Variants in PSD3 observed in about 807,000 individuals in gnomAD.
The protein encoded by PSD3 is PH and SEC7 domain-containing protein 3.
PSD3 carries 49 observed loss-of-function variants against 105.5 expected under a neutral mutation model. The observed-to-expected ratio is 0.46, with a 90% confidence interval of 0.37 to 0.59. The LOEUF (loss-of-function observed/expected upper bound fraction) is 0.59, where lower values mean the gene tolerates loss of function less well. Among genes scored for constraint, PSD3 ranks in the 20% least tolerant of loss-of-function variants. The pLI is 0.00. For synonymous variants in PSD3, 557 were observed against 457.8 expected (o/e 1.22, Z -2.77); for missense variants, 1,561 against 1,263.8 (o/e 1.24, Z -3.57).
chr8:18,908,753 A>T (rs1163163289), intron 2 of PSD3, among the ~76,000 whole-genome samples: 1 of 152,174 alleles, frequency 6.6e-6, no homozygotes, highest in East Asian at 1.9e-4. Context: ...TCTTGCTTGT[A>T]AGTTCATTAT....
intron 10 of PSD3, among the ~76,000 whole-genome samples, chr8:18,650,973 C>T (rs1278861034): frequency 6.6e-6 from 1 of 152,078 alleles, no homozygotes; most frequent in Non-Finnish European, 1.5e-5. Flanking sequence ...GGACTTGGAC[C>T]TATTGATGAA....
At chr8:19,028,765 C>G (rs962109163) in intron 1 of PSD3, among the ~76,000 whole-genome samples, 2 of 152,074 alleles carry the variant, frequency 1.3e-5, no homozygotes, top group Non-Finnish European at 2.9e-5. Flanking sequence ...TAATGTCATG[C>G]CACAAAGATT....
intron 2 of PSD3, among the ~76,000 whole-genome samples, chr8:18,873,304 A>G (rs1817514873): frequency 6.6e-6 from 1 of 152,210 alleles, no homozygotes; most frequent in African/African-American, 2.4e-5. Flanking sequence ...TCCCTGAAAA[A>G]TAAGAATGAA....
At chr8:18,701,018 G>A (rs1237381123) in intron 9 of PSD3, among the ~76,000 whole-genome samples, 1 of 152,126 alleles carries the variant, frequency 6.6e-6, no homozygotes, top group South Asian at 2.1e-4. Context: ...CCAGGCTGGA[G>A]TGCAGTGTTG....
In PSD3 at chr8:18,913,092, C is replaced by A. The variant is rs111610107; in HGVS notation, c.130+22942G>T. Among the ~76,000 whole-genome samples the A allele has an allele frequency of 4.2e-3, 533 of 125,530 alleles. 1 individual carries two copies. Among genetic ancestry groups the A allele is most frequent in the African/African-American group, 0.013 (511 of 37,984 alleles). The allele number at this position is 125,530 out of a possible 152,430, so 82.4% of individuals were successfully genotyped here. On this transcript the variant is annotated intron_variant, in intron 2 of 15. Coordinates refer to ENST00000327040, the MANE Select transcript of PSD3 (RefSeq NM_015310.4). Reference sequence around the variant, plus strand: ...AAACACACACACACACACAAACACACACACACACACACACACACACACACA... The same window carrying A: ...AAACACACACACACACACAAACACAAACACACACACACACACACACACACA...
In PSD3 at chr8:18,818,201, C is replaced by T. The variant is rs1430793007; in HGVS notation, c.1635-13303G>A. ...AACTCCTGACCTCTGGTGATCCATC[C>T]GCCTCGGCCTCCCAAAGTGCTTGGA... On this transcript the variant is annotated intron_variant, in intron 4 of 15. Coordinates refer to ENST00000327040, the MANE Select transcript of PSD3 (RefSeq NM_015310.4). Among the ~76,000 whole-genome samples, 9 of 152,222 alleles carry T rather than the reference C, an allele frequency of 5.9e-5. No individual in the cohort carries two copies. The South Asian group carries it at 6.2e-4, about 11-fold the overall frequency.
intron 8 of PSD3, among the ~76,000 whole-genome samples, chr8:18,795,665 C>G (rs1269854972): frequency 6.6e-6 from 1 of 152,142 alleles, no homozygotes; most frequent in African/African-American, 2.4e-5. Flanking sequence ...CTTAGAACAC[C>G]AGCCCTGGGT....
chr8:18,914,845 G>A (rs1356002476), intron 2 of PSD3, among the ~76,000 whole-genome samples: 2 of 152,116 alleles, frequency 1.3e-5, no homozygotes, highest in Non-Finnish European at 2.9e-5. Flanking sequence ...CAGGGAGATG[G>A]AAGAACAATT....
intron 9 of PSD3, among the ~76,000 whole-genome samples, chr8:18,663,797 C>T (rs966555542): frequency 6.6e-6 from 1 of 152,190 alleles, no homozygotes; most frequent in Admixed American, 6.5e-5. Context: ...CTGAGCTTCA[C>T]GTATACGATA....
At position 18,657,346 on chromosome 8, in the gene PSD3, A is replaced by G. The variant is rs555480010; in HGVS notation, c.2173-1661T>C. Among the ~76,000 whole-genome samples the G allele has an allele frequency of 1.7e-4, 26 of 152,352 alleles. No individual in the cohort carries two copies. The South Asian group carries it at 5.0e-3, about 29-fold the overall frequency. ...TAGAATTTATATTATTTACGACTCA[A>G]TACGTGTATTCTTAGCCAGTATCTT... On this transcript the variant is annotated intron_variant, in intron 9 of 15. Coordinates refer to ENST00000327040, the MANE Select transcript of PSD3 (RefSeq NM_015310.4).
intron 1 of PSD3, among the ~76,000 whole-genome samples, chr8:18,975,736 C>A (rs1824909728): frequency 6.6e-6 from 1 of 152,086 alleles, no homozygotes; most frequent in Admixed American, 6.6e-5. Context: ...TAGTCAAAAT[C>A]CTTCTTAAGG....
chr8:18,689,609 G>C (rs181227609), intron 9 of PSD3, among the ~76,000 whole-genome samples: 2 of 152,326 alleles, frequency 1.3e-5, no homozygotes, highest in Non-Finnish European at 2.9e-5. Flanking sequence ...GTAACACTCA[G>C]TTAATTCAAA....
rs572320994 is a variant in PSD3, at chr8:18,949,270, T to C, written c.22-13128A>G. The stretch of plus-strand genomic sequence containing the variant: ...ATATATATATATATATATATATATA[T>C]ATATATATTTATAGTTTTCTTCTCT... On this transcript the variant is annotated intron_variant, in intron 1 of 15. Coordinates refer to ENST00000327040, the MANE Select transcript of PSD3 (RefSeq NM_015310.4). 2.6e-4 allele frequency among the ~76,000 whole-genome samples: 28 copies of C among 108,794 alleles called. No homozygotes were observed. The South Asian group carries it at 8.3e-3, about 32-fold the overall frequency. 71.4% of individuals were successfully genotyped at this position (108,794 alleles called of 152,430 possible).
At chr8:18,908,868 A>T (rs1820016889) in intron 2 of PSD3, among the ~76,000 whole-genome samples, 1 of 152,172 alleles carries the variant, frequency 6.6e-6, no homozygotes, top group Admixed American at 6.5e-5. Context: ...CCCTTTTTAA[A>T]ACTATCTAAA....
intron 15 of PSD3, among the ~76,000 whole-genome samples, chr8:18,548,991 G>C (rs991751797): frequency 1.1e-4 from 16 of 151,994 alleles, no homozygotes; most frequent in Admixed American, 1.3e-4. Flanking sequence ...TAGCCTCTTA[G>C]GCAGCATCCT....
chr8:19,006,294 CAA>C (rs58023537), intron 1 of PSD3, among the ~76,000 whole-genome samples: 4,599 of 80,716 alleles, frequency 0.057, 188 homozygotes, highest in African/African-American at 0.14. Context: ...AACTCCATCT[CAA>C]AAAAAAAAAA....
chr8:18,795,345 G>A (rs1232436010), intron 8 of PSD3, among the ~76,000 whole-genome samples: 2 of 152,172 alleles, frequency 1.3e-5, no homozygotes, highest in Non-Finnish European at 2.9e-5. Flanking sequence ...CTACCTCTAA[G>A]AACCACAACC....
chr8:18,635,579 G>A (rs900589117), intron 10 of PSD3, among the ~76,000 whole-genome samples: 7 of 151,948 alleles, frequency 4.6e-5, no homozygotes, highest in Non-Finnish European at 7.4e-5. Context: ...CTTTCAGTAG[G>A]TGTTCCAAAA....
intron 2 of PSD3, among the ~76,000 whole-genome samples, chr8:18,881,858 T>G (rs1818126415): frequency 6.6e-6 from 1 of 152,204 alleles, no homozygotes; most frequent in African/African-American, 2.4e-5. Context: ...GCAAAATGGG[T>G]ATTTTTGTTG....
Sources: allele counts gnomAD v4.1 joint callset (sites outside exome capture counted in the v4.1 genomes callset), GRCh38; gene constraint gnomAD v4.1.1; transcripts MANE v1.5; gene names NCBI Gene and HGNC (gene_info 2026-07-23, HGNC 2026-07-21).